Variants in TAF1 observed in about 807,000 individuals in gnomAD.
TAF1 encodes the protein TATA-box binding protein associated factor 1.
In TAF1, 2 loss-of-function variants were observed where a neutral mutation model predicts 138.5. The observed-to-expected ratio is 0.01, with a 90% CI of 0.01 to 0.05. The LOEUF is 0.05. Ranked by LOEUF, TAF1 falls within the 10% of genes least tolerant of loss-of-function variation. The pLI is 1.00. For missense variants in TAF1, 709 were observed against 1,478.0 expected, an observed-to-expected ratio of 0.48 and a Z score of 8.53; for synonymous variants, 437 against 503.2, an observed-to-expected ratio of 0.87 and a Z score of 1.76.
At chrX:71,438,826 G>A (rs774981972) in intron 32 of TAF1, among the ~76,000 whole-genome samples, 1 of 111,641 alleles carries the variant, frequency 9.0e-6, no homozygotes, top group African/African-American at 3.3e-5. Flanking sequence ...TTAGCCAGGC[G>A]TGGTGGCACG....
At chrX:71,386,918 G>T (rs1162983425) in intron 14 of TAF1, among the ~76,000 whole-genome samples, 1 of 112,599 alleles carries the variant, frequency 8.9e-6, no homozygotes, top group Non-Finnish European at 1.9e-5. Context: ...GTCCTGTGAG[G>T]TATAGGCATT....
intron 3 of TAF1, among the ~76,000 whole-genome samples, chrX:71,372,985 G>T (rs2033193386): frequency 9.1e-6 from 1 of 109,581 alleles, no homozygotes; most frequent in Admixed American, 9.9e-5. Flanking sequence ...TCCGGCCTCA[G>T]TCTCCGGAGT....
intron 13 of TAF1, among the ~76,000 whole-genome samples, chrX:71,505,812 G>A (rs2039611022): frequency 9.0e-6 from 1 of 111,087 alleles, no homozygotes; most frequent in African/African-American, 3.3e-5. Flanking sequence ...CCTGAGGTCA[G>A]GGGTTCGAGA....
intron 15 of TAF1, among the ~76,000 whole-genome samples, chrX:71,387,737 C>G (rs1454532845): frequency 9.0e-6 from 1 of 111,361 alleles, no homozygotes; most frequent in African/African-American, 3.3e-5. Context: ...AGTTTGAGAC[C>G]AGCCTGACCA....
At chrX:71,453,448 C>G (rs1257020220) in intron 32 of TAF1, among the ~76,000 whole-genome samples, 1 of 100,302 alleles carries the variant, frequency 1.0e-5, no homozygotes, top group African/African-American at 3.6e-5. Context: ...TGCCTGCACC[C>G]AGGAGTTCAG....
In TAF1 at chrX:71,464,888, T is replaced by A. The variant is rs1470443919; in HGVS notation, c.*842T>A. 1 of 111,538 alleles carries A rather than the reference T, an allele frequency of 9.0e-6. No homozygotes were observed. The highest frequency in any genetic ancestry group is 1.9e-5 in the Non-Finnish European group (1 of 53,141). 9.2% of individuals were successfully genotyped at this position (111,538 alleles called of 1,213,427 possible). ...AATTATGCAATGCCTAGTTCCTAAA[T>A]GGATTGGAGGCAAATTACCGTAAAT... is the stretch of plus-strand genomic sequence containing the variant. On this transcript the variant is annotated 3_prime_UTR_variant, in exon 38 of 38. Transcript: ENST00000423759.
intron 13 of TAF1, chrX:71,492,340 A>C (rs1336766688): frequency 2.4e-5 from 3 of 126,852 alleles, no homozygotes; most frequent in African/African-American, 9.8e-5. Flanking sequence ...TTCTTCTTAG[A>C]GGTCTGGGCT....
At chrX:71,440,602 C>T (rs1352755076) in intron 32 of TAF1, among the ~76,000 whole-genome samples, 1 of 108,977 alleles carries the variant, frequency 9.2e-6, no homozygotes, top group Non-Finnish European at 1.9e-5. Context: ...AACCCAATGT[C>T]GTCACACTTA....
rs201372159 is a variant in TAF1 at position 71,393,224 on chromosome X, T to TTGTGTGTGTG, written c.3052-45_3052-36dup. On this transcript the variant is annotated intron_variant, in intron 20 of 37. Coordinates refer to ENST00000423759, the MANE Select transcript of TAF1 (RefSeq NM_004606.5). The stretch of plus-strand genomic sequence containing the variant: ...TTGTCCTTTGAAATCCCTGAATGAT[T>TTGTGTGTGTG]TGTGTGTGTGTGTGTGTGTGTGTGT... 3.2e-4 allele frequency: 303 copies of TTGTGTGTGTG among 955,745 alleles called. No homozygotes were observed. In the African/African-American group the frequency reaches 5.8e-3, roughly 18 times the overall value. 78.8% of individuals were successfully genotyped at this position (955,745 alleles called of 1,213,427 possible). A position where few individuals can be genotyped will look rare whatever the true frequency, so the allele number is the denominator to read the frequency against.
At chrX:71,431,493 T>C (rs773502106) in intron 32 of TAF1, among the ~76,000 whole-genome samples, 1 of 111,150 alleles carries the variant, frequency 9.0e-6, no homozygotes, top group Non-Finnish European at 1.9e-5. Context: ...TAAAATATGA[T>C]TGTATATTTT....
chrX:71,438,777 A>G (rs975843627), intron 32 of TAF1, among the ~76,000 whole-genome samples: 2 of 111,780 alleles, frequency 1.8e-5, no homozygotes, highest in Non-Finnish European at 3.8e-5. Context: ...AGCCTGGCCA[A>G]CATGGTGAAA....
Position 71,392,424 on chromosome X carries a change from G to A in TAF1, c.2782-145G>A, listed in dbSNP as rs935485287. The A allele has an allele frequency of 9.1e-6, 7 of 767,677 alleles. No homozygotes were observed. The African/African-American group carries it at 1.5e-4, about 16-fold the overall frequency. The allele number at this position is 767,677 out of a possible 1,213,427, so 63.3% of individuals were successfully genotyped here. A position where few individuals can be genotyped will look rare whatever the true frequency, so the allele number is the denominator to read the frequency against. On this transcript the variant is annotated intron_variant, in intron 18 of 37. Transcript: ENST00000423759. ...ATTTAACTGTTGATTTTTGTGGACA[G>A]TTTAAGAGAGCATGAACCCACAGAA...
At chrX:71,504,741 C>CAAAAAAAAAAAAAAAAAAAA (rs41370846) in intron 13 of TAF1, among the ~76,000 whole-genome samples, 68 of 5,720 alleles carry the variant, frequency 0.012, 1 homozygote, top group East Asian at 0.029. Context: ...GACCCTGTCT[C>CAAAAAAAAAAAAAAAAAAAA]AAAAAAAAAA....
intron 25 of TAF1, among the ~76,000 whole-genome samples, chrX:71,406,193 G>T (rs2035456634): frequency 9.1e-6 from 1 of 109,741 alleles, no homozygotes; most frequent in Non-Finnish European, 1.9e-5. Context: ...GCTGTGCGTG[G>T]TGGTGGGCTT....
At chrX:71,388,714 T>G in intron 16 of TAF1, 24 bp from the exon 17 acceptor site, 1 of 1,210,874 alleles carries the variant, frequency 8.3e-7, no homozygotes, top group Non-Finnish European at 1.1e-6. Flanking sequence ...ATGGTCTCAT[T>G]CTCTATGTAT....
At chrX:71,367,942 A>AT in intron 2 of TAF1, 112 bp from the exon 3 acceptor site, 1 of 844,027 alleles carries the variant, frequency 1.2e-6, no homozygotes, top group Non-Finnish European at 1.7e-6. Context: ...AAGTGCTGGG[A>AT]TTACAGGCGT....
intron 13 of TAF1, among the ~76,000 whole-genome samples, chrX:71,494,251 C>A (rs1264038188): frequency 9.1e-6 from 1 of 110,391 alleles, no homozygotes; most frequent in African/African-American, 3.3e-5. Flanking sequence ...GGTGAAACCC[C>A]ATCTCTACTA....
intron 32 of TAF1, among the ~76,000 whole-genome samples, chrX:71,452,320 C>T (rs1389332508): frequency 1.8e-5 from 2 of 108,501 alleles, no homozygotes; most frequent in African/African-American, 3.4e-5. Context: ...GGTTGCCGGG[C>T]GGAGGGTCTC....
intron 14 of TAF1, among the ~76,000 whole-genome samples, chrX:71,386,192 T>G (rs1244358886): frequency 9.0e-6 from 1 of 111,069 alleles, no homozygotes; most frequent in South Asian, 3.7e-4. Context: ...TTTTTCTGTA[T>G]TCTTCTGTAA....
Sources: gnomAD v4.1 joint callset for allele counts (sites outside exome capture counted in the v4.1 genomes callset) on GRCh38, gnomAD v4.1.1 for gene constraint, MANE v1.5 for transcripts, NCBI Gene and HGNC (gene_info 2026-07-23, HGNC 2026-07-21) for gene names.